RBFOX1: variants seen among roughly 807,000 people sequenced by gnomAD.
The protein encoded by RBFOX1 is RNA binding protein fox-1 homolog 1.
In RBFOX1, 8 loss-of-function variants were observed where a neutral mutation model predicts 57.7. That is an observed-to-expected ratio of 0.14 (90% confidence interval 0.08 to 0.25). The LOEUF (loss-of-function observed/expected upper bound fraction) is 0.25, where lower values mean the gene tolerates loss of function less well. Ranked by LOEUF, RBFOX1 falls within the 10% of genes least tolerant of loss-of-function variation. The pLI is 1.00. For missense variants in RBFOX1, 611 were observed against 548.5 expected, an observed-to-expected ratio of 1.11 and a Z score of -1.14; for synonymous variants, 326 against 222.4, an observed-to-expected ratio of 1.47 and a Z score of -4.15.
chr16:5,403,045 A>G (rs977748660), intron 1 of RBFOX1, among the ~76,000 whole-genome samples: 4 of 152,172 alleles, frequency 2.6e-5, no homozygotes, highest in Non-Finnish European at 4.4e-5. Flanking sequence ...CATGGAAGCA[A>G]AAGTGTCATA....
chr16:7,415,897 TG>T (rs1300233874), intron 4 of RBFOX1, among the ~76,000 whole-genome samples: 1 of 152,190 alleles, frequency 6.6e-6, no homozygotes, highest in Non-Finnish European at 1.5e-5. Flanking sequence ...GTGATAACTT[TG>T]GGCCCAGTTA....
intron 4 of RBFOX1, among the ~76,000 whole-genome samples, chr16:7,232,429 G>A (rs1385892030): frequency 2.6e-5 from 4 of 152,080 alleles, no homozygotes; most frequent in Non-Finnish European, 5.9e-5. Context: ...TATTTATAGG[G>A]GACCAGGTTC....
chr16:6,687,520 C>T (rs1202015669), intron 3 of RBFOX1, among the ~76,000 whole-genome samples: 2 of 152,156 alleles, frequency 1.3e-5, no homozygotes, highest in Non-Finnish European at 2.9e-5. Flanking sequence ...CTAGTCTGTG[C>T]TTCAGTAACA....
At chr16:7,491,965 A>T (rs148396051) in intron 4 of RBFOX1, among the ~76,000 whole-genome samples, 241 of 152,254 alleles carry the variant, frequency 1.6e-3, no homozygotes, top group African/African-American at 5.2e-3. Flanking sequence ...TGATGATTAT[A>T]GTCTATGTTC....
At chr16:5,495,648 T>G (rs2151682622) in intron 2 of RBFOX1, among the ~76,000 whole-genome samples, 1 of 152,340 alleles carries the variant, frequency 6.6e-6, no homozygotes, top group East Asian at 1.9e-4. Context: ...GTGCTGGATT[T>G]GACCTAGGTC....
chr16:6,246,367 C>G (rs963147802), intron 1 of RBFOX1, among the ~76,000 whole-genome samples: 1 of 152,096 alleles, frequency 6.6e-6, no homozygotes, highest in Admixed American at 6.5e-5. Flanking sequence ...CAGGCAATTC[C>G]AACATTTTAT....
At chr16:6,854,306 G>A (rs74898135) in intron 3 of RBFOX1, among the ~76,000 whole-genome samples, 53 of 152,246 alleles carry the variant, frequency 3.5e-4, no homozygotes, top group African/African-American at 1.2e-3. Context: ...CAATATGACT[G>A]TATTAGGAAG....
intron 4 of RBFOX1, among the ~76,000 whole-genome samples, chr16:5,880,001 G>A (rs556471778): frequency 4.5e-4 from 68 of 152,334 alleles, no homozygotes; most frequent in African/African-American, 1.6e-3. Context: ...GGAGCACATG[G>A]ATATTCTCTG....
chr16:6,715,687 C>T (rs965713542), intron 3 of RBFOX1, among the ~76,000 whole-genome samples: 3 of 152,158 alleles, frequency 2.0e-5, no homozygotes, highest in Non-Finnish European at 2.9e-5. Context: ...GATGAAGCAG[C>T]CCACCTGGCC....
intron 2 of RBFOX1, among the ~76,000 whole-genome samples, chr16:6,490,435 A>G (rs1453813107): frequency 6.6e-6 from 1 of 152,170 alleles, no homozygotes; most frequent in African/African-American, 2.4e-5. Flanking sequence ...TCACATCTCG[A>G]ATACAAGCCA....
chr16:7,101,147 C>T (rs2062621902), intron 4 of RBFOX1, among the ~76,000 whole-genome samples: 1 of 152,166 alleles, frequency 6.6e-6, no homozygotes, highest in Middle Eastern at 3.2e-3. Context: ...CCGTTGGTTG[C>T]TGAGTATTAA....
intron 1 of RBFOX1, among the ~76,000 whole-genome samples, chr16:6,307,982 T>C (rs1236863746): frequency 6.7e-6 from 1 of 149,424 alleles, no homozygotes; most frequent in Non-Finnish European, 1.5e-5. Flanking sequence ...ATCATTTATA[T>C]ATTCGCTTAG....
At chr16:6,578,947 G>A (rs567937661) in intron 2 of RBFOX1, among the ~76,000 whole-genome samples, 75 of 152,064 alleles carry the variant, frequency 4.9e-4, no homozygotes, top group Admixed American at 2.6e-3. Flanking sequence ...TACAAATTAC[G>A]GCTCTGGTGA....
At chr16:7,672,315 A>G (rs1019071683) in intron 13 of RBFOX1, among the ~76,000 whole-genome samples, 13 of 152,320 alleles carry the variant, frequency 8.5e-5, no homozygotes, top group African/African-American at 2.2e-4. Flanking sequence ...ATGAATGTCA[A>G]ACTGAGGATG....
intron 3 of RBFOX1, among the ~76,000 whole-genome samples, chr16:7,012,078 A>G (rs920577559): frequency 5.9e-5 from 9 of 152,122 alleles, no homozygotes; most frequent in African/African-American, 1.9e-4. Context: ...TTTAGGTCAG[A>G]CGTATGGAGT....
chr16:7,343,897 T>C (rs1177957021), intron 4 of RBFOX1, among the ~76,000 whole-genome samples: 1 of 152,108 alleles, frequency 6.6e-6, no homozygotes, highest in South Asian at 2.1e-4. Context: ...GTCCACAATA[T>C]AGCACCTGGC....
intron 3 of RBFOX1, among the ~76,000 whole-genome samples, chr16:6,829,007 C>A (rs1027975199): frequency 6.6e-6 from 1 of 152,088 alleles, no homozygotes; most frequent in African/African-American, 2.4e-5. Context: ...CCACTGTTGC[C>A]TGACTCATCC....
At chr16:6,244,743 C>T (rs1468181259) in intron 1 of RBFOX1, among the ~76,000 whole-genome samples, 3 of 152,078 alleles carry the variant, frequency 2.0e-5, no homozygotes, top group South Asian at 4.1e-4. Flanking sequence ...CTCCTGACCT[C>T]GTGATCCACC....
rs113109166 is a variant in RBFOX1, at chr16:5,526,767, C to T, written c.258+59513C>T. 4.1e-3 allele frequency among the ~76,000 whole-genome samples: 627 copies of T among 152,312 alleles called. 4 individuals are homozygous for T. The highest frequency in any genetic ancestry group is 0.014 in the African/African-American group (587 of 41,570). On this transcript the variant is annotated intron_variant, in intron 2 of 2. Coordinates refer to the RBFOX1 transcript ENST00000585867. ...ACGTACATTCTGTAAAGTACGTGAC[C>T]TACTGCCTGGCACACACTAGTGTCC...
Sources: allele counts gnomAD v4.1 joint callset (sites outside exome capture counted in the v4.1 genomes callset), GRCh38; gene constraint gnomAD v4.1.1; transcripts MANE v1.5; gene names NCBI Gene and HGNC (gene_info 2026-07-23, HGNC 2026-07-21).